PCLO: variants seen among roughly 807,000 people sequenced by gnomAD.
The protein encoded by PCLO is protein piccolo.
Under a neutral mutation model 427.5 loss-of-function variants are expected in PCLO, and 82 were observed. The observed-to-expected ratio is 0.19, with a 90% CI of 0.16 to 0.23. PCLO has a LOEUF of 0.23. PCLO is among the 10% of genes least tolerant of loss of function. PCLO has a pLI of 1.00. For synonymous variants in PCLO, 2,357 were observed against 2,155.4 expected, an observed-to-expected ratio of 1.09 and a Z score of -2.59; for missense variants, 6,239 against 6,115.9, an observed-to-expected ratio of 1.02 and a Z score of -0.67.
chr7:82,870,833 A>G (rs1793216854), intron 10 of PCLO, among the ~76,000 whole-genome samples: 1 of 152,104 alleles, frequency 6.6e-6, no homozygotes, highest in Non-Finnish European at 1.5e-5. Context: ...GCCAACAGAT[A>G]CATTAAAATG....
intron 3 of PCLO, among the ~76,000 whole-genome samples, chr7:83,028,751 A>G (rs1788575119): frequency 6.6e-6 from 1 of 151,088 alleles, no homozygotes; most frequent in Non-Finnish European, 1.5e-5. Flanking sequence ...TACTGGTACC[A>G]AAACAGAGAT....
intron 2 of PCLO, among the ~76,000 whole-genome samples, chr7:83,144,713 CT>C (rs774161615): frequency 6.6e-5 from 10 of 152,142 alleles, no homozygotes; most frequent in Non-Finnish European, 1.0e-4. Flanking sequence ...CTGACTATTT[CT>C]TTAACCCATT....
chr7:83,089,727 A>G (rs1790330665), intron 3 of PCLO, among the ~76,000 whole-genome samples: 1 of 152,124 alleles, frequency 6.6e-6, no homozygotes, highest in Non-Finnish European at 1.5e-5. Context: ...GGAAAGAGGC[A>G]AGGCAGGCAG....
chr7:82,966,170 T>C lies in PCLO; in HGVS notation c.3618A>G (p.Ser1206=). 6.2e-7 allele frequency: 1 copy of C among 1,610,518 alleles called. No individual in the cohort carries two copies. The highest frequency in any genetic ancestry group is 2.2e-5 in the East Asian group (1 of 44,788). ...EESKLEKDKA[S]ALQEKKPLPE... ...GGAGTGGCTTTTTTTCTTGAAGAGCTGAAGCTTTGTCTTTCTCTAGTTTAC... is the reference window on the plus strand; with the variant it reads ...GGAGTGGCTTTTTTTCTTGAAGAGCCGAAGCTTTGTCTTTCTCTAGTTTAC... The change falls in exon 4 of 25, where the codon TCA becomes TCG. Residue 1206 remains serine, a synonymous_variant. Transcript: ENST00000333891.
At chr7:83,072,712 T>C (rs1419760358) in intron 3 of PCLO, among the ~76,000 whole-genome samples, 2 of 152,068 alleles carry the variant, frequency 1.3e-5, no homozygotes, top group African/African-American at 2.4e-5. Context: ...CCAGATCTTA[T>C]ATCTCCTGAA....
At chr7:83,083,736 G>C (rs1308828171) in intron 3 of PCLO, among the ~76,000 whole-genome samples, 2 of 152,012 alleles carry the variant, frequency 1.3e-5, no homozygotes, top group African/African-American at 4.8e-5. Flanking sequence ...CAGAAATTCA[G>C]GTTGCTGTCA....
intron 22 of PCLO, among the ~76,000 whole-genome samples, chr7:82,784,678 T>G (rs1790945489): frequency 6.6e-6 from 1 of 152,214 alleles, no homozygotes; most frequent in Admixed American, 6.5e-5. Flanking sequence ...TCAATTCAAC[T>G]TCTATGTATT....
intron 3 of PCLO, among the ~76,000 whole-genome samples, chr7:83,101,025 T>C (rs986564960): frequency 3.9e-5 from 6 of 152,146 alleles, no homozygotes; most frequent in Middle Eastern, 3.4e-3. Flanking sequence ...TTTATAAACA[T>C]GAACAAACAT....
At chr7:82,835,045 C>T (rs756229162) in intron 16 of PCLO, among the ~76,000 whole-genome samples, 23 of 151,716 alleles carry the variant, frequency 1.5e-4, no homozygotes, top group Non-Finnish European at 2.9e-4. Context: ...CCTAGGTTCA[C>T]GCTATTTTCC....
At chr7:82,787,173 CA>C (rs1791002572) in intron 22 of PCLO, among the ~76,000 whole-genome samples, 1 of 152,032 alleles carries the variant, frequency 6.6e-6, no homozygotes, top group African/African-American at 2.4e-5. Flanking sequence ...CTGTCTTCCA[CA>C]ATGGTTGAAC....
At chr7:82,774,473 G>C (rs1197258554) in intron 22 of PCLO, among the ~76,000 whole-genome samples, 1 of 152,098 alleles carries the variant, frequency 6.6e-6, no homozygotes, top group Non-Finnish European at 1.5e-5. Flanking sequence ...CCTTGTATAA[G>C]TCGGGATAGA....
At chr7:82,808,790 G>T (rs1345473070) in intron 20 of PCLO, among the ~76,000 whole-genome samples, 3 of 151,792 alleles carry the variant, frequency 2.0e-5, no homozygotes, top group Non-Finnish European at 4.4e-5. Context: ...AAAACATCCG[G>T]TGCTGGATTA....
chr7:83,141,897 T>C (rs574564243), intron 2 of PCLO, among the ~76,000 whole-genome samples: 2 of 152,308 alleles, frequency 1.3e-5, no homozygotes, highest in East Asian at 3.9e-4. Context: ...TCTTCAATAA[T>C]GACTCAAAAT....
At chr7:82,926,004 C>T (rs1794704495) in intron 6 of PCLO, among the ~76,000 whole-genome samples, 1 of 152,006 alleles carries the variant, frequency 6.6e-6, no homozygotes, top group Admixed American at 6.6e-5. Flanking sequence ...CAGGTGTGAG[C>T]CACCACCATC....
At chr7:82,847,814 A>G (rs1346061520) in intron 10 of PCLO, among the ~76,000 whole-genome samples, 1 of 152,120 alleles carries the variant, frequency 6.6e-6, no homozygotes, top group Non-Finnish European at 1.5e-5. Context: ...CAGGAATGTT[A>G]TAGGAAGGGC....
rs1305917810 is a variant in PCLO at position 82,952,476 on chromosome 7, A to C, written c.8477T>G (p.Leu2826Arg). The change falls in exon 5 of 25, where the codon CTT (leucine) becomes CGT (arginine). Residue 2826 changes from leucine to arginine, a missense_variant. By Grantham distance (102) the Leu-to-Arg change is moderately radical. Coordinates refer to ENST00000333891, the MANE Select transcript of PCLO (RefSeq NM_033026.6). ...AEHAMTTPLQ[L>R]TTSKHAEPPY... The stretch of plus-strand genomic sequence containing the variant: ...GGGCTCAGCATGCTTTGATGTTGTA[A>C]GTTGGAGTGGTGTTGTCATTGCATG... The C allele has an allele frequency of 6.2e-7, 1 of 1,613,876 alleles. No homozygotes were observed. Among genetic ancestry groups the C allele is most frequent in the South Asian group, 1.1e-5 (1 of 91,084 alleles).
At chr7:83,080,731 T>C (rs1203205119) in intron 3 of PCLO, among the ~76,000 whole-genome samples, 3 of 152,058 alleles carry the variant, frequency 2.0e-5, no homozygotes, top group Non-Finnish European at 4.4e-5. Context: ...TTTAGAAATA[T>C]ATCCTAATTT....
At position 83,039,291 on chromosome 7, in the gene PCLO, TC is replaced by T. The variant is rs1411265057; in HGVS notation, c.3301-72805del. 2.6e-5 allele frequency among the ~76,000 whole-genome samples: 4 copies of T among 152,072 alleles called. No individual in the cohort carries two copies. In the East Asian group the frequency reaches 7.7e-4, roughly 29 times the overall value. ...CCAGATCTATGAATCCATTGCTAAATCCTACTTTATGCAGACTTTCCCCTAT... is the reference window on the plus strand; with the variant it reads ...CCAGATCTATGAATCCATTGCTAAATCTACTTTATGCAGACTTTCCCCTAT... On this transcript the variant is annotated intron_variant, in intron 3 of 24. Coordinates refer to ENST00000333891, the MANE Select transcript of PCLO (RefSeq NM_033026.6).
chr7:82,938,235 A>G (rs1795001500), intron 6 of PCLO, among the ~76,000 whole-genome samples: 1 of 151,978 alleles, frequency 6.6e-6, no homozygotes, highest in South Asian at 2.1e-4. Context: ...ATTGTTGTAA[A>G]GTGAAATATT....
Sources: allele counts gnomAD v4.1 joint callset (sites outside exome capture counted in the v4.1 genomes callset), GRCh38; gene constraint gnomAD v4.1.1; transcripts MANE v1.5; gene names NCBI Gene and HGNC (gene_info 2026-07-23, HGNC 2026-07-21).